SASH1: variants seen among roughly 807,000 people sequenced by gnomAD.
SASH1 encodes SAM and SH3 domain containing 1, also known as SAM and SH3 domain-containing protein 1.
Under a neutral mutation model 125.2 loss-of-function variants are expected in SASH1, and 44 were observed. The ratio of observed to expected loss-of-function variants is 0.35; its 90% CI spans 0.28 to 0.45. The LOEUF is 0.45. Ranked by LOEUF, SASH1 falls within the 20% of genes least tolerant of loss-of-function variation. The pLI is 1.00. For synonymous variants in SASH1, 639 were observed against 649.1 expected (o/e 0.98, Z 0.24); for missense variants, 1,426 against 1,614.5 (o/e 0.88, Z 2.00).
the SASH1 span, among the ~76,000 whole-genome samples, chr6:148,217,998 G>A: frequency 1.3e-5 from 2 of 148,598 alleles, no homozygotes; most frequent in Admixed American, 1.4e-4. Context: ...CTGGGTGAAA[G>A]AATGAGACTC....
chr6:148,282,524 G>A (rs1779368676), intron 1 of SASH1, among the ~76,000 whole-genome samples: 1 of 152,104 alleles, frequency 6.6e-6, no homozygotes, highest in African/African-American at 2.4e-5. Flanking sequence ...TGGGATTACA[G>A]GCGCCTGCCA....
intron 2 of SASH1, among the ~76,000 whole-genome samples, chr6:148,412,061 T>A (rs1784650728): frequency 6.6e-6 from 1 of 152,202 alleles, no homozygotes; most frequent in South Asian, 2.1e-4. Context: ...ACACTGAATG[T>A]TGCCACTCAT....
chr6:148,272,834 T>C (rs1467707304), intron 1 of SASH1, among the ~76,000 whole-genome samples: 2 of 152,206 alleles, frequency 1.3e-5, no homozygotes, highest in African/African-American at 2.4e-5. Context: ...CGATTAACCA[T>C]TTAGTATCTC....
At chr6:148,285,413 G>A (rs542102881) in intron 1 of SASH1, among the ~76,000 whole-genome samples, 1 of 152,316 alleles carries the variant, frequency 6.6e-6, no homozygotes, top group Admixed American at 6.5e-5. Context: ...ATCCTCCAAG[G>A]ATAGAACATT....
the SASH1 span, among the ~76,000 whole-genome samples, chr6:148,229,133 CAAAAAAA>C: frequency 1.6e-5 from 1 of 60,972 alleles, no homozygotes; most frequent in African/African-American, 6.6e-5. Context: ...GACTCCATCT[CAAAAAAA>C]AAAAAAAAAA....
At chr6:148,206,646 C>G in the SASH1 span, among the ~76,000 whole-genome samples, 3 of 151,844 alleles carry the variant, frequency 2.0e-5, no homozygotes, top group African/African-American at 7.3e-5. Context: ...AAAAATTTGC[C>G]AGGGGTGATG....
intron 1 of SASH1, among the ~76,000 whole-genome samples, chr6:148,362,197 G>A (rs942773715): frequency 6.7e-6 from 1 of 150,082 alleles, no homozygotes; most frequent in Non-Finnish European, 1.5e-5. Context: ...AAAGTGCTGG[G>A]ATTACAGGCG....
rs1338219650 is a variant in SASH1 at position 148,487,913 on chromosome 6, G to GT, written c.729+202dup. ...GTCAAAATAGTGTTATCATGCTGGG[G>GT]TTTTGTTTTTTTTTTTTTTAATTGC... On this transcript the variant is annotated intron_variant, in intron 8 of 19. Coordinates refer to ENST00000367467, the MANE Select transcript of SASH1 (RefSeq NM_015278.5). Among the ~76,000 whole-genome samples the GT allele has an allele frequency of 4.3e-4, 63 of 148,122 alleles. 1 individual carries two copies. The East Asian group carries it at 4.5e-3, about 11-fold the overall frequency.
At position 148,543,890 on chromosome 6, in the gene SASH1, T is replaced by G; in HGVS notation, c.2420T>G (p.Leu807Trp). The change falls in exon 18 of 20, where the codon TTG (leucine) becomes TGG (tryptophan). Residue 807 changes from leucine (L) to tryptophan (W), a missense_variant. Leu to Trp is a moderately conservative substitution (Grantham distance 61, BLOSUM62 -2). Coordinates refer to ENST00000367467, the MANE Select transcript of SASH1 (RefSeq NM_015278.5). ...KSCDPPGVTG[L>W]NKNRRSLPVS... ...TGTGACCCACCTGGTGTGACTGGTT[T>G]GAATAAAAACCGAAGAAGCCTCCCA... 1 of 1,614,172 alleles carries G rather than the reference T, an allele frequency of 6.2e-7. No homozygotes were observed. Among genetic ancestry groups the G allele is most frequent in the East Asian group, 2.2e-5 (1 of 44,886 alleles).
chr6:148,352,017 A>G (rs1781746961), intron 1 of SASH1, among the ~76,000 whole-genome samples: 1 of 152,192 alleles, frequency 6.6e-6, no homozygotes, highest in Non-Finnish European at 1.5e-5. Context: ...TTAAAAAAAA[A>G]GTTTTGAAAG....
At chr6:148,471,871 T>C (rs1321691367) in intron 6 of SASH1, among the ~76,000 whole-genome samples, 1 of 152,168 alleles carries the variant, frequency 6.6e-6, no homozygotes, top group Non-Finnish European at 1.5e-5. Context: ...GGGGCTCTCC[T>C]GTCCGCGTTC....
At chr6:148,303,549 C>A (rs981802124) in intron 1 of SASH1, among the ~76,000 whole-genome samples, 34 of 152,180 alleles carry the variant, frequency 2.2e-4, no homozygotes, top group African/African-American at 7.7e-4. Flanking sequence ...GTAATCCCAG[C>A]ACTTTTGGAG....
intron 9 of SASH1, among the ~76,000 whole-genome samples, chr6:148,518,688 A>G (rs891509462): frequency 1.3e-5 from 2 of 152,126 alleles, no homozygotes; most frequent in African/African-American, 4.8e-5. Flanking sequence ...GGATCGCTAC[A>G]CCCACAGTTT....
Position 148,487,699 on chromosome 6 carries a change from G to T in SASH1, c.713G>T (p.Gly238Val), listed in dbSNP as rs1200646215. 6.2e-7 allele frequency: 1 copy of T among 1,610,590 alleles called. No individual in the cohort carries two copies. The highest frequency in any genetic ancestry group is 1.1e-5 in the South Asian group (1 of 90,962). Residue 238 changes from glycine (G) to valine (V), a missense_variant, in exon 8 of 20, where the codon GGC becomes GTC. By Grantham distance (109) the Gly-to-Val change is moderately radical (BLOSUM62 -3). This residue lies in a region of SASH1 where 567 missense variants were observed against 575.6 expected (regional missense o/e 0.99). Coordinates refer to ENST00000367467, the MANE Select transcript of SASH1 (RefSeq NM_015278.5). Reference protein sequence around the residue: ...WPDGSYPTFDGSSNCNSREQS... With the variant: ...WPDGSYPTFDVSSNCNSREQS... ...GATGGTTCTTACCCAACGTTTGATGGCTCATCAAACTGCAATGTGAGTTTA... is the reference window on the plus strand; with the variant it reads ...GATGGTTCTTACCCAACGTTTGATGTCTCATCAAACTGCAATGTGAGTTTA...
the SASH1 span, among the ~76,000 whole-genome samples, chr6:148,249,326 G>T: frequency 5.7e-4 from 1 of 1,742 alleles, no homozygotes; most frequent in African/African-American, 4.0e-3. Context: ...GCATGTGCAC[G>T]TGTGTGTGTG....
At chr6:148,437,527 G>T (rs767019148) in intron 2 of SASH1, among the ~76,000 whole-genome samples, 3 of 152,138 alleles carry the variant, frequency 2.0e-5, no homozygotes, top group African/African-American at 2.4e-5. Flanking sequence ...AACATTATAT[G>T]TCAAACTATA....
At chr6:148,355,397 T>G (rs1332125467) in intron 1 of SASH1, among the ~76,000 whole-genome samples, 1 of 151,792 alleles carries the variant, frequency 6.6e-6, no homozygotes, top group Non-Finnish European at 1.5e-5. Flanking sequence ...TTTGCCTTGA[T>G]TAGAGGATTG....
intron 1 of SASH1, among the ~76,000 whole-genome samples, chr6:148,364,693 T>C (rs1378964741): frequency 6.6e-6 from 1 of 152,078 alleles, no homozygotes; most frequent in Admixed American, 6.6e-5. Context: ...CCACGGGAAA[T>C]GGGAAGAACA....
intron 2 of SASH1, among the ~76,000 whole-genome samples, chr6:148,428,408 C>G (rs1247745000): frequency 1.3e-5 from 2 of 152,106 alleles, no homozygotes; most frequent in Non-Finnish European, 2.9e-5. Flanking sequence ...GCAGGCGGAT[C>G]TTAACTTGAG....
Sources: allele counts gnomAD v4.1 joint callset (sites outside exome capture counted in the v4.1 genomes callset), GRCh38; gene constraint gnomAD v4.1.1; regional missense constraint gnomAD v4.1.1; transcripts MANE v1.5; gene names NCBI Gene and HGNC (gene_info 2026-07-23, HGNC 2026-07-21).